DOK7: variants seen among roughly 807,000 people sequenced by gnomAD.
The protein encoded by DOK7 is protein Dok-7.
In DOK7, 32 loss-of-function variants were observed where a neutral mutation model predicts 30.7. The ratio of observed to expected loss-of-function variants is 1.04; its 90% CI spans 0.79 to 1.40. The LOEUF is 1.40. Ranked by LOEUF, DOK7 falls within the 40% of genes most tolerant of loss-of-function variation. The pLI is 0.00. For synonymous variants in DOK7, 447 were observed against 324.1 expected (o/e 1.38, Z -4.07); for missense variants, 1,007 against 699.2 (o/e 1.44, Z -4.97).
intron 4 of DOK7, among the ~76,000 whole-genome samples, chr4:3,482,869 G>A (rs1398562854): frequency 6.6e-6 from 1 of 151,790 alleles, no homozygotes; most frequent in Non-Finnish European, 1.5e-5. Flanking sequence ...GCTCCCTGCC[G>A]GCAAGGTGCT....
At chr4:3,490,407 A>ACACTCATTCATTCCTTCCTTCC (rs1692045035) in intron 6 of DOK7, among the ~76,000 whole-genome samples, 1 of 7,158 alleles carries the variant, frequency 1.4e-4, no homozygotes, top group Non-Finnish European at 2.9e-4. Context: ...TCCTTCTTTC[A>ACACTCATTCATTCCTTCCTTCC]CCCCCCCCAC....
chr4:3,492,676 T>C, intron 6 of DOK7, 83 bp from the exon 7 acceptor site: 1 of 1,577,974 alleles, frequency 6.3e-7, no homozygotes, highest in Non-Finnish European at 8.6e-7. Context: ...AGTGCTGGCC[T>C]GTGGGGGTCC....
In DOK7 at chr4:3,493,735, C is replaced by A; in HGVS notation, c.*234C>A. 7.0e-7 allele frequency: 1 copy of A among 1,422,226 alleles called. No homozygotes were observed. Among genetic ancestry groups the A allele is most frequent in the Non-Finnish European group, 9.2e-7 (1 of 1,092,514 alleles). The allele number at this position is 1,422,226 out of a possible 1,614,324, so 88.1% of individuals were successfully genotyped here. A position where few individuals can be genotyped will look rare whatever the true frequency, so the allele number is the denominator to read the frequency against. ...CTCTGGGTCCGGCAGGTCGGGGTCA[C>A]CAGAGCCCCAATGCTCAGCTGCTTC... On this transcript the variant is annotated 3_prime_UTR_variant, in exon 7 of 7. Transcript: ENST00000340083.
Position 3,489,699 on chromosome 4 carries a change from G to A in DOK7, c.675G>A (p.Ser225=), listed in dbSNP as rs780065823. 7 of 1,563,918 alleles carry A rather than the reference G, an allele frequency of 4.5e-6. No homozygotes were observed. The highest frequency in any genetic ancestry group is 2.4e-5 in the East Asian group (1 of 41,956). ...VLPDPSPPGP[S]TVEERVAQEA... is the part of the protein sequence containing the mutation. Reference sequence around the variant, plus strand: ...CAGACCCAAGTCCCCCGGGACCCTCGACTGTGGAGGAGCGTGTGGCCCAGG... The same window carrying A: ...CAGACCCAAGTCCCCCGGGACCCTCAACTGTGGAGGAGCGTGTGGCCCAGG... The change falls in exon 6 of 7, where the codon TCG becomes TCA. Residue 225 remains serine (S), a synonymous_variant. Coordinates refer to ENST00000340083, the MANE Select transcript of DOK7 (RefSeq NM_173660.5).
At chr4:3,471,750 A>G (rs1726780680) in intron 2 of DOK7, among the ~76,000 whole-genome samples, 1 of 152,190 alleles carries the variant, frequency 6.6e-6, no homozygotes, top group Non-Finnish European at 1.5e-5. Flanking sequence ...TGGAGTTTCC[A>G]GAGGGGGCCA....
Position 3,490,670 on chromosome 4 carries a change from CCCTTCCCCGCATTCCTTCCTT to C in DOK7, c.772+883_772+903del, listed in dbSNP as rs1416956908. ...ATTTCCCTCCTGCTCATTCATTCCTCCCTTCCCCGCATTCCTTCCTTCCTTCCCCCCTCATGCATTCCTTCA... is the reference window on the plus strand; with the variant it reads ...ATTTCCCTCCTGCTCATTCATTCCTCCCTTCCCCCCTCATGCATTCCTTCA... On this transcript the variant is annotated intron_variant, in intron 6 of 6. Transcript: ENST00000340083. Among the ~76,000 whole-genome samples the C allele has an allele frequency of 8.8e-5, 9 of 101,894 alleles. No homozygotes were observed. The South Asian group carries it at 1.3e-3, about 15-fold the overall frequency. 66.8% of individuals were successfully genotyped at this position (101,894 alleles called of 152,430 possible). A position where few individuals can be genotyped will look rare whatever the true frequency, so the allele number is the denominator to read the frequency against.
chr4:3,463,851 C>G (rs1175205728), intron 2 of DOK7, among the ~76,000 whole-genome samples: 1 of 152,204 alleles, frequency 6.6e-6, no homozygotes, highest in African/African-American at 2.4e-5. Context: ...CCCCCAGAAG[C>G]AAAGCCCCAC....
chr4:3,484,804 G>A (rs370812076), intron 4 of DOK7: 32 of 985,396 alleles, frequency 3.2e-5, no homozygotes, highest in East Asian at 2.3e-4. Flanking sequence ...GGGAGGACGC[G>A]GTGCTGGCCA....
At chr4:3,500,694 G>A in exon 8 of DOK7, 1 of 1,535,834 alleles carries the variant, frequency 6.5e-7, no homozygotes, top group Non-Finnish European at 8.7e-7. Flanking sequence ...TCTTTCAGGG[G>A]CTGGCGCCTC....
At chr4:3,498,000 C>T (rs1444474956), downstream of DOK7, among the ~76,000 whole-genome samples, 1 of 152,158 alleles carries the variant, frequency 6.6e-6, no homozygotes, top group East Asian at 1.9e-4. Context: ...AGGGGACAGG[C>T]CCAGTATCTG....
chr4:3,495,133 T>C (rs1728833112), downstream of DOK7, among the ~76,000 whole-genome samples: 1 of 152,188 alleles, frequency 6.6e-6, no homozygotes, highest in Non-Finnish European at 1.5e-5. Context: ...AGTTTCCTCT[T>C]GCAAACGGGA....
chr4:3,468,354 C>CTG (rs1324107944), intron 2 of DOK7, among the ~76,000 whole-genome samples: 1 of 150,894 alleles, frequency 6.6e-6, no homozygotes, highest in East Asian at 2.0e-4. Context: ...AAATGCTTGT[C>CTG]TGTGTGCGTG....
In DOK7 at chr4:3,470,579, G is replaced by A. The variant is rs560348638; in HGVS notation, c.101-2827G>A. On this transcript the variant is annotated intron_variant, in intron 2 of 6. Transcript: ENST00000340083. ...AGGGGTAGAGGTCTAGGGTGGGGCC[G>A]GCTGGCTTGTGGAAGGTGTGAGAAG... 3.9e-5 allele frequency among the ~76,000 whole-genome samples: 6 copies of A among 152,330 alleles called. No homozygotes were observed. In the South Asian group the frequency reaches 8.3e-4, roughly 21 times the overall value.
intron 4 of DOK7, among the ~76,000 whole-genome samples, chr4:3,477,413 G>C (rs1264928913): frequency 6.6e-6 from 1 of 152,244 alleles, no homozygotes; most frequent in African/African-American, 2.4e-5. Context: ...GATGTGTCTG[G>C]GTGGAGGAAA....
intron 2 of DOK7, among the ~76,000 whole-genome samples, chr4:3,470,908 T>C (rs1469500484): frequency 6.6e-6 from 1 of 152,196 alleles, no homozygotes; most frequent in African/African-American, 2.4e-5. Context: ...CTGGTTGTTA[T>C]CAGGTGCCGG....
intron 2 of DOK7, among the ~76,000 whole-genome samples, chr4:3,466,802 C>G (rs1215328926): frequency 6.6e-6 from 1 of 152,198 alleles, no homozygotes. Context: ...GAGCCTCGTC[C>G]TGGGCTGCCC....
chr4:3,490,201 CCCCTCA>C, intron 6 of DOK7, among the ~76,000 whole-genome samples: 2 of 70,200 alleles, frequency 2.8e-5, no homozygotes, highest in Non-Finnish European at 5.1e-5. Flanking sequence ...CATTCCTTCC[CCCCTCA>C]TTCATTCCTG....
chr4:3,500,937 C>T (rs1729157174), exon 8 of DOK7: 13 of 1,414,104 alleles, frequency 9.2e-6, no homozygotes, highest in Admixed American at 2.9e-5. Context: ...AGCTCCCAGT[C>T]GCAGGAGCAG....
In DOK7 at chr4:3,494,352, G is replaced by A. The variant is rs545656850; in HGVS notation, c.*851G>A. Reference sequence around the variant, plus strand: ...CCCCCGCCCTGGGTGGCTTCCTCTTGCACAGCCTGGAGCCTGCCCTGACCA... The same window carrying A: ...CCCCCGCCCTGGGTGGCTTCCTCTTACACAGCCTGGAGCCTGCCCTGACCA... On this transcript the variant is annotated 3_prime_UTR_variant, in exon 7 of 7. Transcript: ENST00000340083. 2 of 985,828 alleles carry A rather than the reference G, an allele frequency of 2.0e-6. No individual in the cohort carries two copies. The highest frequency in any genetic ancestry group is 2.4e-6 in the Non-Finnish European group (2 of 830,242). 61.1% of individuals were successfully genotyped at this position (985,828 alleles called of 1,614,324 possible). A position where few individuals can be genotyped will look rare whatever the true frequency, so the allele number is the denominator to read the frequency against.
Sources: allele counts gnomAD v4.1 joint callset (sites outside exome capture counted in the v4.1 genomes callset), GRCh38; gene constraint gnomAD v4.1.1; transcripts MANE v1.5; gene names NCBI Gene and HGNC (gene_info 2026-07-23, HGNC 2026-07-21).